The following PCDHGB4 variants were observed in gnomAD, a reference collection of about 807,000 sequenced individuals.
PCDHGB4 encodes protocadherin gamma subfamily B, 4, also known as protocadherin gamma-B4.
Under a neutral mutation model 60.5 loss-of-function variants are expected in PCDHGB4, and 38 were observed. The ratio of observed to expected loss-of-function variants is 0.63; its 90% CI spans 0.48 to 0.82. The LOEUF (loss-of-function observed/expected upper bound fraction) is 0.82. PCDHGB4 is among the 40% of genes least tolerant of loss of function. The pLI, the probability that PCDHGB4 is intolerant of heterozygous loss-of-function variation, is 0.00. For missense variants in PCDHGB4, 1,109 were observed against 1,209.6 expected, an observed-to-expected ratio of 0.92 and a Z score of 1.23; for synonymous variants, 456 against 509.7, an observed-to-expected ratio of 0.89 and a Z score of 1.42.
chr5:141,390,764 G>T, intron 1 of PCDHGB4: 2 of 165,996 alleles, frequency 1.2e-5, no homozygotes, highest in Non-Finnish European at 2.6e-5. Flanking sequence ...TTTGTTTCCT[G>T]TGTTAACTTC....
At chr5:141,410,254 C>G in intron 1 of PCDHGB4, 1 of 1,614,020 alleles carries the variant, frequency 6.2e-7, no homozygotes, top group Non-Finnish European at 8.5e-7. Flanking sequence ...TCTCTGACCC[C>G]CAGGCTGAAC....
intron 1 of PCDHGB4, among the ~76,000 whole-genome samples, chr5:141,462,763 G>A (rs935087747): frequency 2.6e-5 from 4 of 152,036 alleles, no homozygotes; most frequent in Non-Finnish European, 4.4e-5. Context: ...TTTTCTTCCT[G>A]GCTTGGGGTC....
chr5:141,460,498 T>C (rs1028506755), intron 1 of PCDHGB4, among the ~76,000 whole-genome samples: 3 of 152,184 alleles, frequency 2.0e-5, no homozygotes, highest in African/African-American at 7.2e-5. Context: ...TGGAAAAATA[T>C]GCTGAGAAGG....
chr5:141,499,122 A>G (rs971741957), intron 2 of PCDHGB4, among the ~76,000 whole-genome samples: 3 of 152,140 alleles, frequency 2.0e-5, no homozygotes, highest in African/African-American at 7.2e-5. Context: ...ATCCCTTCTC[A>G]GGTCATCCTT....
At chr5:141,484,660 T>G in intron 1 of PCDHGB4, among the ~76,000 whole-genome samples, 1 of 151,976 alleles carries the variant, frequency 6.6e-6, no homozygotes, top group Non-Finnish European at 1.5e-5. Flanking sequence ...ACTCTCCCTC[T>G]CAGTGGGCCG....
At chr5:141,449,106 T>A (rs2154562506) in intron 1 of PCDHGB4, among the ~76,000 whole-genome samples, 2 of 152,314 alleles carry the variant, frequency 1.3e-5, no homozygotes, top group East Asian at 3.9e-4. Context: ...ATGCAGTATA[T>A]CTTTGGGATG....
At chr5:141,420,468 T>G in intron 1 of PCDHGB4, 1 of 799,886 alleles carries the variant, frequency 1.3e-6, no homozygotes, top group East Asian at 3.3e-5. Context: ...CAAAGACATT[T>G]TAAAGCAAAC....
intron 1 of PCDHGB4, chr5:141,418,379 C>T: frequency 6.2e-7 from 1 of 1,613,966 alleles, no homozygotes; most frequent in Non-Finnish European, 8.5e-7. Flanking sequence ...CCAACTAAGT[C>T]CTAACGAGTA....
intron 1 of PCDHGB4, chr5:141,415,762 T>TTTTG: frequency 2.1e-6 from 3 of 1,399,986 alleles, no homozygotes; most frequent in Non-Finnish European, 2.8e-6. Flanking sequence ...TTTTTTTTTT[T>TTTTG]TTTTTTTTTT....
At chr5:141,393,097 T>C in intron 1 of PCDHGB4, 1 of 1,613,608 alleles carries the variant, frequency 6.2e-7, no homozygotes, top group South Asian at 1.1e-5. Context: ...CGGGAGGAGC[T>C]CTGCGCTCAG....
chr5:141,455,936 C>T (rs1194722770), intron 1 of PCDHGB4, among the ~76,000 whole-genome samples: 3 of 151,422 alleles, frequency 2.0e-5, no homozygotes, highest in East Asian at 3.9e-4. Flanking sequence ...CTCGCTCTGT[C>T]GCCCAGGCTG....
chr5:141,400,503 G>T, intron 1 of PCDHGB4: 1 of 1,614,022 alleles, frequency 6.2e-7, no homozygotes, highest in Non-Finnish European at 8.5e-7. Context: ...ATTCCAGCGA[G>T]TCGACTTCCC....
At chr5:141,422,907 G>A in intron 1 of PCDHGB4, 1 of 1,614,196 alleles carries the variant, frequency 6.2e-7, no homozygotes, top group Non-Finnish European at 8.5e-7. Context: ...ACGACAATGC[G>A]CCCGAGATCC....
chr5:141,499,616 C>T (rs538268323), intron 2 of PCDHGB4, among the ~76,000 whole-genome samples: 2 of 152,058 alleles, frequency 1.3e-5, no homozygotes, highest in South Asian at 4.2e-4. Context: ...CTTATCCTGT[C>T]CTTGGATTCT....
intron 1 of PCDHGB4, chr5:141,403,720 C>G (rs1266419119): frequency 1.2e-6 from 2 of 1,613,874 alleles, no homozygotes; most frequent in Middle Eastern, 1.6e-4. Context: ...AGAACGTGCC[C>G]CCAGGCACCT....
At chr5:141,392,627 G>C (rs4151699) in intron 1 of PCDHGB4, 43,187 of 584,208 alleles carry the variant, frequency 0.074, 2,003 homozygotes, top group Non-Finnish European at 0.093. Flanking sequence ...AAAACACTCA[G>C]ATCTCACACC....
rs766133958 is a variant in PCDHGB4, at chr5:141,403,000, A to G, written c.2397+12719A>G. 27 of 1,613,862 alleles carry G rather than the reference A, an allele frequency of 1.7e-5. No individual in the cohort carries two copies. Among genetic ancestry groups the G allele is most frequent in the Middle Eastern group, 1.6e-4 (1 of 6,082 alleles). ...AGCTCCGCGGAAGATTAGTCCTGCT[A>G]TGCTCGCTCCTGGGGATGCTATGGG... On this transcript the variant is annotated intron_variant, in intron 1 of 3. Transcript: ENST00000519479.
intron 1 of PCDHGB4, chr5:141,394,248 C>T (rs937129072): frequency 9.3e-6 from 15 of 1,613,816 alleles, no homozygotes; most frequent in Admixed American, 6.7e-5. Flanking sequence ...TGCACACGAC[C>T]CCGACAGCCA....
At chr5:141,394,861 A>G in intron 1 of PCDHGB4, 1 of 1,613,390 alleles carries the variant, frequency 6.2e-7, no homozygotes. Flanking sequence ...CCTTCGGTCG[A>G]CCCGAACGAT....
Sources: allele counts gnomAD v4.1 joint callset (sites outside exome capture counted in the v4.1 genomes callset), GRCh38; gene constraint gnomAD v4.1.1; transcripts MANE v1.5; gene names NCBI Gene and HGNC (gene_info 2026-07-23, HGNC 2026-07-21).